ZNF19: variants seen among roughly 807,000 people sequenced by gnomAD.
ZNF19 encodes zinc finger protein 19, also known as zinc finger protein 19 (KOX 12).
A neutral mutation model predicts 13.1 loss-of-function variants in ZNF19; 11 were observed. That is an observed-to-expected ratio of 0.84 (90% confidence interval 0.53 to 1.39). The LOEUF (loss-of-function observed/expected upper bound fraction) is 1.39, where lower values mean the gene tolerates loss of function less well. Among genes scored for constraint, ZNF19 ranks in the 40% most tolerant of loss-of-function variants. ZNF19 has a pLI of 0.00. For synonymous variants in ZNF19, 186 were observed against 187.0 expected (o/e 0.99, Z 0.04); for missense variants, 560 against 547.0 (o/e 1.02, Z -0.24).
At chr16:71,482,205 G>A (rs1188957394) in intron 2 of ZNF19, 62 bp from the exon 3 acceptor site, 2 of 1,542,292 alleles carry the variant, frequency 1.3e-6, no homozygotes, top group South Asian at 1.2e-5. Flanking sequence ...TCTCTTTAGA[G>A]CAATAAATTT....
At chr16:71,484,929 C>T (rs1459604105) in intron 1 of ZNF19, among the ~76,000 whole-genome samples, 181 bp from the exon 2 acceptor site, 1 of 152,170 alleles carries the variant, frequency 6.6e-6, no homozygotes, top group African/African-American at 2.4e-5. Context: ...TATGGCTATT[C>T]TCGTCACTAA....
At position 71,475,558 on chromosome 16, in the gene ZNF19, G is replaced by C. The variant is rs1260043147; in HGVS notation, c.989C>G (p.Ser330Cys). The change falls in exon 6 of 6, where the codon TCT (serine) becomes TGT (cysteine). Residue 330 changes from serine (S) to cysteine (C), a missense_variant. By Grantham distance (112) the Ser-to-Cys change is moderately radical. Transcript: ENST00000288177. The part of the protein sequence containing the change: ...QRIHTGEKPY[S>C]CKVCGQAFNF... ...GAAGGCTTGTCCACATACTTTACAA[G>C]AATAAGGCTTTTCCCCTGTGTGAAT... is the stretch of plus-strand genomic sequence containing the variant. 1 of 1,613,908 alleles carries C rather than the reference G, an allele frequency of 6.2e-7. No homozygotes were observed. Among genetic ancestry groups the C allele is most frequent in the Non-Finnish European group, 8.5e-7 (1 of 1,179,954 alleles).
intron 3 of ZNF19, 49 bp downstream of exon 3, chr16:71,482,033 C>T (rs2043639954): frequency 6.2e-7 from 1 of 1,604,082 alleles, no homozygotes; most frequent in African/African-American, 1.3e-5. Flanking sequence ...CACCTCATTT[C>T]CTTCAACTCA....
intron 3 of ZNF19, among the ~76,000 whole-genome samples, chr16:71,480,847 G>T (rs757400532): frequency 2.2e-4 from 34 of 152,202 alleles, no homozygotes; most frequent in Non-Finnish European, 4.3e-4. Flanking sequence ...ATACTTCAGT[G>T]AGCCCTCCAG....
At position 71,475,544 on chromosome 16, in the gene ZNF19, C is replaced by T; in HGVS notation, c.1003G>A (p.Gly335Arg). ...TTTGTATGAAAATTGAAGGCTTGTC[C>T]ACATACTTTACAAGAATAAGGCTTT... The part of the protein sequence containing the change: ...GEKPYSCKVC[G>R]QAFNFHTKLT... The change falls in exon 6 of 6, where the codon GGA becomes AGA. Residue 335 changes from glycine to arginine, a missense_variant. By Grantham distance (125) the Gly-to-Arg change is moderately radical (BLOSUM62 -2). Coordinates refer to ENST00000288177, the MANE Select transcript of ZNF19 (RefSeq NM_006961.4). The T allele has an allele frequency of 6.2e-7, 1 of 1,614,092 alleles. No individual in the cohort carries two copies. Among genetic ancestry groups the T allele is most frequent in the East Asian group, 2.2e-5 (1 of 44,854 alleles).
intron 5 of ZNF19, 32 bp downstream of exon 5, chr16:71,478,196 A>G (rs374959586): frequency 7.0e-7 from 1 of 1,431,998 alleles, no homozygotes; most frequent in Non-Finnish European, 9.8e-7. Flanking sequence ...ATAAAACGCT[A>G]CAATTGTTGG....
intron 3 of ZNF19, 124 bp downstream of exon 3, chr16:71,481,958 T>C (rs889257801): frequency 7.0e-6 from 7 of 997,632 alleles, no homozygotes; most frequent in Non-Finnish European, 1.1e-5. Context: ...CCAGTCCTAC[T>C]GGAGGGAATC....
chr16:71,477,408 C>A lies in ZNF19; in HGVS notation c.274+820G>T, dbSNP rs532901979. Among the ~76,000 whole-genome samples the A allele has an allele frequency of 1.8e-4, 28 of 152,208 alleles. No homozygotes were observed. The South Asian group carries it at 5.6e-3, about 31-fold the overall frequency. ...GCTGTGCTAGCTTCATTATTTTCCA[C>A]GTATTTGCTCTCTGCAAACCACCTG... On this transcript the variant is annotated intron_variant, in intron 5 of 5. Transcript: ENST00000288177.
chr16:71,487,657 A>G (rs2043688673), intron 1 of ZNF19, among the ~76,000 whole-genome samples: 1 of 152,150 alleles, frequency 6.6e-6, no homozygotes, highest in South Asian at 2.1e-4. Flanking sequence ...AGTATCTTTA[A>G]CTGAAGCTAT....
At position 71,475,478 on chromosome 16, in the gene ZNF19, AG is replaced by A. The variant is rs1412660630; in HGVS notation, c.1068del (p.Phe357LeufsTer4). 2 of 1,614,054 alleles carry A rather than the reference AG, an allele frequency of 1.2e-6. No individual in the cohort carries two copies. The highest frequency in any genetic ancestry group is 2.7e-5 in the African/African-American group (2 of 74,924). On this transcript the variant is annotated frameshift_variant, in exon 6 of 6. Transcript: ENST00000288177. LOFTEE classifies it low-confidence loss of function (END_TRUNC). Reference sequence around the variant, plus strand: ...GCTTTTCCACAATCTACACAGTCAAAGGGTTTCTCCTCACTGTGAATTCTCT... The same window carrying A: ...GCTTTTCCACAATCTACACAGTCAAAGGTTTCTCCTCACTGTGAATTCTCT... ...RHQRIHSEEK[P>X]FDCVDCGKAF... is the part of the protein sequence containing the mutation.
chr16:71,482,258 T>A, intron 2 of ZNF19, 115 bp from the exon 3 acceptor site: 1 of 842,536 alleles, frequency 1.2e-6, no homozygotes, highest in African/African-American at 1.7e-5. Context: ...CTCACTGGGT[T>A]AGTGGTGCAT....
In ZNF19 at chr16:71,475,960, T is replaced by C. The variant is rs867926196; in HGVS notation, c.587A>G (p.Lys196Arg). The C allele has an allele frequency of 8.7e-6, 14 of 1,613,992 alleles. No individual in the cohort carries two copies. The highest frequency in any genetic ancestry group is 1.0e-5 in the Non-Finnish European group (12 of 1,180,032). The change falls in exon 6 of 6, where the codon AAA becomes AGA. Residue 196 changes from lysine (K) to arginine (R), a missense_variant. By Grantham distance (26) the Lys-to-Arg change is conservative. Coordinates refer to ENST00000288177, the MANE Select transcript of ZNF19 (RefSeq NM_006961.4). Reference sequence around the variant, plus strand: ...TAACGAAGAATTACCATTAAAGGCTTTTCCACACTCACTACACTCAAAAGG... The same window carrying C: ...TAACGAAGAATTACCATTAAAGGCTCTTCCACACTCACTACACTCAAAAGG... ...EKPFECSECGKAFNGNSSLIR... is the reference protein window; with the variant it reads ...EKPFECSECGRAFNGNSSLIR...
Position 71,475,411 on chromosome 16 carries a change from T to G in ZNF19, c.1136A>C (p.His379Pro). 2 of 1,614,188 alleles carry G rather than the reference T, an allele frequency of 1.2e-6. No homozygotes were observed. The highest frequency in any genetic ancestry group is 1.7e-6 in the Non-Finnish European group (2 of 1,180,018). ...ACATACATAGGAAGACTCCTGAGTA[T>G]GAATTCTCAGATGCCTTTTTAATTG... Reference protein sequence around the residue: ...QEQLKRHLRIHTQESSYVCDE... With the variant: ...QEQLKRHLRIPTQESSYVCDE... The change falls in exon 6 of 6, where the codon CAT becomes CCT. Residue 379 changes from histidine to proline, a missense_variant. Transcript: ENST00000288177.
At chr16:71,489,163 C>T (rs2043703082) in intron 1 of ZNF19, 109 bp downstream of exon 1, 1 of 827,774 alleles carries the variant, frequency 1.2e-6, no homozygotes, top group Non-Finnish European at 1.5e-6. Flanking sequence ...ATAGTGACGC[C>T]CTCCCCGTCC....
intron 2 of ZNF19, among the ~76,000 whole-genome samples, chr16:71,482,708 T>C (rs541724585): frequency 6.6e-6 from 1 of 152,072 alleles, no homozygotes; most frequent in Admixed American, 6.6e-5. Flanking sequence ...TTTTGTCTGT[T>C]TGTTTGTTTG....
chr16:71,484,835 G>A, intron 1 of ZNF19, 87 bp from the exon 2 acceptor site: 1 of 615,222 alleles, frequency 1.6e-6, no homozygotes, highest in Non-Finnish European at 2.0e-6. Flanking sequence ...ACAAACTACT[G>A]TAGTATCAGC....
intron 1 of ZNF19, among the ~76,000 whole-genome samples, chr16:71,485,483 A>AAC (rs1491122680): frequency 1.3e-5 from 2 of 151,608 alleles, no homozygotes; most frequent in African/African-American, 4.9e-5. Context: ...ACAAAAAAAA[A>AAC]CAAAAAGAAA....
intron 1 of ZNF19, among the ~76,000 whole-genome samples, chr16:71,485,710 A>G (rs921461093): frequency 6.6e-6 from 1 of 152,108 alleles, no homozygotes; most frequent in African/African-American, 2.4e-5. Flanking sequence ...ATTTAGTTTC[A>G]AAAATACTGA....
intron 1 of ZNF19, among the ~76,000 whole-genome samples, chr16:71,485,240 A>C (rs2043669152): frequency 6.6e-6 from 1 of 152,078 alleles, no homozygotes; most frequent in Non-Finnish European, 1.5e-5. Flanking sequence ...ACCTGAGGTC[A>C]GGAGTTCGAG....
Sources: allele counts gnomAD v4.1 joint callset (sites outside exome capture counted in the v4.1 genomes callset), GRCh38; gene constraint gnomAD v4.1.1; transcripts MANE v1.5; gene names NCBI Gene and HGNC (gene_info 2026-07-23, HGNC 2026-07-21).